VPS13B: variants seen among roughly 807,000 people sequenced by gnomAD.
VPS13B encodes the protein intermembrane lipid transfer protein VPS13B.
A neutral mutation model predicts 426.4 loss-of-function variants in VPS13B; 285 were observed. That is an observed-to-expected ratio of 0.67 (90% CI 0.61 to 0.74). VPS13B has a LOEUF of 0.74. Among genes scored for constraint, VPS13B ranks in the 30% least tolerant of loss-of-function variants. The pLI is 0.00. For synonymous variants in VPS13B, 1,676 were observed against 1,676.4 expected (o/e 1.00, Z 0.01); for missense variants, 4,537 against 4,782.6 (o/e 0.95, Z 1.51).
At chr8:99,288,574 G>A (rs954835844) in intron 19 of VPS13B, among the ~76,000 whole-genome samples, 1 of 151,998 alleles carries the variant, frequency 6.6e-6, no homozygotes, top group African/African-American at 2.4e-5. Flanking sequence ...TGAGGGGCAA[G>A]TGGGAGGGGT....
intron 19 of VPS13B, among the ~76,000 whole-genome samples, chr8:99,289,106 A>G (rs1394009226): frequency 6.6e-6 from 1 of 151,546 alleles, no homozygotes; most frequent in Non-Finnish European, 1.5e-5. Context: ...AAAAAGAAAG[A>G]AAGAAAGGGA....
intron 35 of VPS13B, among the ~76,000 whole-genome samples, chr8:99,683,149 T>C (rs1831224677): frequency 6.6e-6 from 1 of 152,174 alleles, no homozygotes; most frequent in African/African-American, 2.4e-5. Context: ...GCACCTATTT[T>C]AAAAATCAAC....
chr8:99,119,639 A>G (rs1417248592), intron 7 of VPS13B, among the ~76,000 whole-genome samples: 2 of 152,220 alleles, frequency 1.3e-5, no homozygotes, highest in Non-Finnish European at 2.9e-5. Context: ...ACTCTAGTTA[A>G]TTCTTATTAA....
intron 3 of VPS13B, among the ~76,000 whole-genome samples, chr8:99,063,138 G>A (rs1449982954): frequency 6.6e-6 from 1 of 152,218 alleles, no homozygotes; most frequent in Non-Finnish European, 1.5e-5. Flanking sequence ...CCAGTCTGCA[G>A]CTCCCAGCGT....
intron 24 of VPS13B, among the ~76,000 whole-genome samples, chr8:99,476,691 T>C (rs1284198603): frequency 2.0e-5 from 3 of 152,040 alleles, no homozygotes; most frequent in Non-Finnish European, 4.4e-5. Flanking sequence ...AAATAAAAAA[T>C]AAAACGTTGC....
intron 39 of VPS13B, among the ~76,000 whole-genome samples, chr8:99,752,415 A>C (rs1810443499): frequency 6.6e-6 from 1 of 152,160 alleles, no homozygotes; most frequent in African/African-American, 2.4e-5. Context: ...TTTGTAAATA[A>C]AATTTTATTG....
At chr8:99,247,295 C>T (rs749100385) in intron 17 of VPS13B, among the ~76,000 whole-genome samples, 1 of 152,140 alleles carries the variant, frequency 6.6e-6, no homozygotes, top group Non-Finnish European at 1.5e-5. Flanking sequence ...GAATTACTGT[C>T]AACCTTCATT....
chr8:99,781,549 A>G (rs1470840247), intron 42 of VPS13B, among the ~76,000 whole-genome samples: 1 of 152,174 alleles, frequency 6.6e-6, no homozygotes, highest in African/African-American at 2.4e-5. Flanking sequence ...AAATGCTTAA[A>G]CTTATTACAG....
At chr8:99,845,861 A>G (rs1815955204) in intron 54 of VPS13B, among the ~76,000 whole-genome samples, 1 of 152,224 alleles carries the variant, frequency 6.6e-6, no homozygotes. Flanking sequence ...ATGTTCCAAT[A>G]AAGCCTTATT....
intron 44 of VPS13B, among the ~76,000 whole-genome samples, chr8:99,810,249 A>G (rs1383334942): frequency 1.3e-5 from 2 of 152,250 alleles, no homozygotes; most frequent in African/African-American, 4.8e-5. Flanking sequence ...AAAAGAAGGA[A>G]GTATTAAAAT....
chr8:99,244,959 G>C (rs148538344), intron 17 of VPS13B, among the ~76,000 whole-genome samples: 6 of 152,276 alleles, frequency 3.9e-5, no homozygotes, highest in African/African-American at 1.4e-4. Flanking sequence ...TAATTGAGTA[G>C]TCCTTCTTTG....
intron 2 of VPS13B, among the ~76,000 whole-genome samples, chr8:99,015,868 A>C (rs1188379927): frequency 6.6e-6 from 1 of 152,062 alleles, no homozygotes; most frequent in Non-Finnish European, 1.5e-5. Flanking sequence ...ATGCCACTGC[A>C]CTCCAGCCTG....
intron 16 of VPS13B, among the ~76,000 whole-genome samples, chr8:99,173,987 T>C (rs1812494996): frequency 6.6e-6 from 1 of 152,230 alleles, no homozygotes; most frequent in Non-Finnish European, 1.5e-5. Flanking sequence ...TTCACATTGT[T>C]GTGCAGTAGT....
chr8:99,420,642 A>G (rs1816316757), intron 21 of VPS13B, among the ~76,000 whole-genome samples: 1 of 152,198 alleles, frequency 6.6e-6, no homozygotes, highest in South Asian at 2.1e-4. Flanking sequence ...TTCAGTGTCT[A>G]GCCATTAGCC....
intron 3 of VPS13B, among the ~76,000 whole-genome samples, chr8:99,069,767 G>A (rs1295872776): frequency 6.6e-6 from 1 of 152,140 alleles, no homozygotes; most frequent in Non-Finnish European, 1.5e-5. Flanking sequence ...AAGGAAATTG[G>A]AAGAGTATTG....
At position 99,832,414 on chromosome 8, in the gene VPS13B, G is replaced by A; in HGVS notation, c.9376G>A (p.Gly3126Arg). 1 of 1,563,996 alleles carries A rather than the reference G, an allele frequency of 6.4e-7. No homozygotes were observed. Among genetic ancestry groups the A allele is most frequent in the Non-Finnish European group, 8.6e-7 (1 of 1,157,182 alleles). Residue 3126 changes from glycine to arginine, a missense_variant, in exon 52 of 62, where the codon GGA (glycine) becomes AGA (arginine). This residue lies in a region of VPS13B where 4,311 missense variants were observed against 4,474.3 expected (regional missense o/e 0.96). Coordinates refer to ENST00000357162, the MANE Select transcript of VPS13B (RefSeq NM_152564.5). ...TGCTACTTTTAGCATTTGCCCAGGTGGAGAGCAGCCTGCTATGAAATCCAG... is the reference window on the plus strand; with the variant it reads ...TGCTACTTTTAGCATTTGCCCAGGTAGAGAGCAGCCTGCTATGAAATCCAG... ...DSATFSICPGGEQPAMKSSSL... is the reference protein window; with the variant it reads ...DSATFSICPGREQPAMKSSSL...
At chr8:99,356,182 A>C (rs1172989033) in intron 19 of VPS13B, among the ~76,000 whole-genome samples, 2 of 152,194 alleles carry the variant, frequency 1.3e-5, no homozygotes, top group African/African-American at 4.8e-5. Flanking sequence ...TTTACTTGTA[A>C]TTTAGACTGT....
chr8:99,081,023 C>T (rs573264720), intron 3 of VPS13B, among the ~76,000 whole-genome samples: 6 of 152,094 alleles, frequency 3.9e-5, no homozygotes, highest in East Asian at 1.9e-4. Flanking sequence ...TTGCTTATTT[C>T]GTTTTTCATG....
intron 23 of VPS13B, among the ~76,000 whole-genome samples, chr8:99,452,830 C>G (rs1376600673): frequency 6.6e-6 from 1 of 152,112 alleles, no homozygotes; most frequent in Non-Finnish European, 1.5e-5. Flanking sequence ...GAGATGATCT[C>G]TAATATAGCC....
Sources: gnomAD v4.1 joint callset for allele counts (sites outside exome capture counted in the v4.1 genomes callset) on GRCh38, gnomAD v4.1.1 for gene constraint, gnomAD v4.1.1 regional missense constraint, MANE v1.5 for transcripts, NCBI Gene and HGNC (gene_info 2026-07-23, HGNC 2026-07-21) for gene names.